The following NDUFS2 variants were observed in gnomAD, a reference collection of about 807,000 sequenced individuals.
NDUFS2 encodes NADH:ubiquinone oxidoreductase core subunit S2, also known as NADH dehydrogenase [ubiquinone] iron-sulfur protein 2, mitochondrial.
Under a neutral mutation model 69.6 loss-of-function variants are expected in NDUFS2, and 38 were observed. The observed-to-expected ratio is 0.55, with a 90% CI of 0.42 to 0.72. The LOEUF (loss-of-function observed/expected upper bound fraction) is 0.72, where lower values mean the gene tolerates loss of function less well. Among genes scored for constraint, NDUFS2 ranks in the 30% least tolerant of loss-of-function variants. The pLI is 0.00. For missense variants in NDUFS2, 468 were observed against 595.0 expected, an observed-to-expected ratio of 0.79 and a Z score of 2.22; for synonymous variants, 194 against 211.2, an observed-to-expected ratio of 0.92 and a Z score of 0.70.
intron 1 of NDUFS2, 89 bp downstream of exon 1, chr1:161,202,569 C>T: frequency 7.6e-7 from 1 of 1,313,442 alleles, no homozygotes; most frequent in Non-Finnish European, 1.1e-6. Context: ...AAATAATAAC[C>T]CAAGCCTGTG....
chr1:161,205,192 CTATT>C (rs1665393937), intron 2 of NDUFS2, among the ~76,000 whole-genome samples: 1 of 152,108 alleles, frequency 6.6e-6, no homozygotes, highest in Non-Finnish European at 1.5e-5. Context: ...AATAAAGTGT[CTATT>C]TATAGCATTA....
chr1:161,207,006 A>T (rs1321105037), intron 3 of NDUFS2, among the ~76,000 whole-genome samples: 1 of 152,228 alleles, frequency 6.6e-6, no homozygotes, highest in Non-Finnish European at 1.5e-5. Context: ...GTTTGTTTTC[A>T]AAACATTCAA....
At chr1:161,211,549 C>T (rs1483293432) in intron 9 of NDUFS2, among the ~76,000 whole-genome samples, 1 of 152,040 alleles carries the variant, frequency 6.6e-6, no homozygotes, top group Non-Finnish European at 1.5e-5. Context: ...ACTTGGGAGG[C>T]TGAGGAAGGA....
At chr1:161,198,146 T>C, upstream of NDUFS2, 2 of 1,613,508 alleles carry the variant, frequency 1.2e-6, no homozygotes, top group Non-Finnish European at 1.7e-6. The surrounding 1 kb of genome is among the most constrained non-coding windows in gnomAD (Gnocchi z 4.7). Context: ...GGGCTGGAGG[T>C]GGAGTTCAGC....
At position 161,212,369 on chromosome 1, in the gene NDUFS2, G is replaced by A; in HGVS notation, c.1005G>A (p.Glu335=). Residue 335 remains glutamate (E), a synonymous_variant, in exon 10 of 14, where the codon GAG becomes GAA. Coordinates refer to ENST00000676972, the MANE Select transcript of NDUFS2 (RefSeq NM_001377299.1). The part of the protein sequence containing the change: ...DCYDRYLCRV[E]EMRQSLRIIA... ...TCTTGAGGTACCTGTGCCGGGTGGA[G>A]GAGATGCGCCAGTCCCTGAGAATTA... The A allele has an allele frequency of 6.2e-7, 1 of 1,613,638 alleles. No individual in the cohort carries two copies. The highest frequency in any genetic ancestry group is 1.1e-5 in the South Asian group (1 of 91,082).
Position 161,213,870 on chromosome 1 carries a change from T to G in NDUFS2, c.1303T>G (p.Leu435Val). 6.2e-7 allele frequency: 1 copy of G among 1,614,200 alleles called. No homozygotes were observed. The highest frequency in any genetic ancestry group is 1.1e-5 in the South Asian group (1 of 91,082). ...GCCATCTCAATCTCCCTAGGCTGGTTTGGACAAGATGTCTAAGGGACACAT... is the reference window on the plus strand; with the variant it reads ...GCCATCTCAATCTCCCTAGGCTGGTGTGGACAAGATGTCTAAGGGACACAT... Reference protein sequence around the residue: ...KAPGFAHLAGLDKMSKGHMLA... With the variant: ...KAPGFAHLAGVDKMSKGHMLA... Residue 435 changes from leucine (L) to valine (V), a missense_variant, in exon 13 of 14, where the codon TTG becomes GTG. Around this residue, in one of 3 missense-constraint regions of NDUFS2, gnomAD observed 72 missense variants for 118.9 expected, o/e 0.61. Coordinates refer to ENST00000676972, the MANE Select transcript of NDUFS2 (RefSeq NM_001377299.1).
In NDUFS2 at chr1:161,214,323, C is replaced by G. The variant is rs969508210; in HGVS notation, c.*130C>G. On this transcript the variant is annotated 3_prime_UTR_variant, in exon 14 of 14. Transcript: ENST00000676972. Reference sequence around the variant, plus strand: ...TGTATGTTCATGTACACTTGGCTGTCAGGCTTTCTGTGCATGTACTAAAAA... The same window carrying G: ...TGTATGTTCATGTACACTTGGCTGTGAGGCTTTCTGTGCATGTACTAAAAA... The G allele has an allele frequency of 2.2e-6, 2 of 919,070 alleles. No individual in the cohort carries two copies. Among genetic ancestry groups the G allele is most frequent in the African/African-American group, 3.3e-5 (2 of 60,318 alleles). The allele number at this position is 919,070 out of a possible 1,614,324, so 56.9% of individuals were successfully genotyped here. A position where few individuals can be genotyped will look rare whatever the true frequency, so the allele number is the denominator to read the frequency against.
chr1:161,211,538 T>A (rs964887893), intron 9 of NDUFS2, among the ~76,000 whole-genome samples: 1 of 152,062 alleles, frequency 6.6e-6, no homozygotes, highest in Non-Finnish European at 1.5e-5. Flanking sequence ...TAAGTCCAGC[T>A]ACTTGGGAGG....
At chr1:161,199,809 C>T (rs1389235444), upstream of NDUFS2, among the ~76,000 whole-genome samples, 2 of 151,770 alleles carry the variant, frequency 1.3e-5, no homozygotes, top group Non-Finnish European at 2.9e-5. Flanking sequence ...TCAGGATCCC[C>T]CTTCCTGAGT....
In NDUFS2 at chr1:161,213,494, G is replaced by A. The variant is rs935169238; in HGVS notation, c.1212+19G>A. On this transcript the variant is annotated intron_variant, in intron 11 of 13. Transcript: ENST00000676972. The stretch of plus-strand genomic sequence containing the variant: ...TCCCAAGGTAAGGAGAGGAGGGGAA[G>A]GAAAAGACCATATGTAGAGTAGGTA... 3.8e-6 allele frequency: 6 copies of A among 1,593,214 alleles called. No individual in the cohort carries two copies. Among genetic ancestry groups the A allele is most frequent in the Non-Finnish European group, 5.2e-6 (6 of 1,162,342 alleles).
intron 5 of NDUFS2, 128 bp from the exon 6 acceptor site, chr1:161,209,729 G>T: frequency 7.8e-7 from 1 of 1,280,632 alleles, no homozygotes; most frequent in South Asian, 1.3e-5. Flanking sequence ...TTTAACTTGG[G>T]TTATATTTGT....
intron 1 of NDUFS2, 73 bp from the exon 2 acceptor site, chr1:161,203,364 T>C (rs1193032674): frequency 7.6e-7 from 1 of 1,321,288 alleles, no homozygotes; most frequent in East Asian, 2.3e-5. Flanking sequence ...TGGGTCCCCT[T>C]GAGAGTGAAT....
At chr1:161,198,445 G>A (rs774071976), upstream of NDUFS2, 26 of 1,582,026 alleles carry the variant, frequency 1.6e-5, no homozygotes, top group Admixed American at 3.1e-4. This position sits in a 1 kb window ranked among gnomAD's most constrained non-coding sequence, Gnocchi z 4.7. Context: ...CTGGAAACAC[G>A]ATCTCCTCCT....
chr1:161,210,082 A>G (rs779811384), intron 6 of NDUFS2, 29 bp from the exon 7 acceptor site: 25 of 1,606,570 alleles, frequency 1.6e-5, no homozygotes, highest in Non-Finnish European at 2.0e-5. Flanking sequence ...GCTATGCCAC[A>G]TTCAGTAGCA....
upstream of NDUFS2, among the ~76,000 whole-genome samples, chr1:161,200,952 C>G (rs1184957835): frequency 6.6e-6 from 1 of 152,210 alleles, no homozygotes; most frequent in Non-Finnish European, 1.5e-5. Flanking sequence ...AGTCCCAGCT[C>G]AAGCTGCCTC....
upstream of NDUFS2, chr1:161,198,857 C>A: frequency 2.1e-6 from 1 of 465,354 alleles, no homozygotes; most frequent in Non-Finnish European, 3.8e-6. This position sits in a 1 kb window ranked among gnomAD's most constrained non-coding sequence, Gnocchi z 4.7. Context: ...CCTCCTGAGC[C>A]CTCCTTTCCT....
At chr1:161,202,272 T>A, upstream of NDUFS2, 4 of 1,051,246 alleles carry the variant, frequency 3.8e-6, no homozygotes, top group Non-Finnish European at 5.7e-6. Flanking sequence ...TAAACGACCC[T>A]GCCAGCTTCC....
chr1:161,210,005 G>A, intron 6 of NDUFS2, 74 bp downstream of exon 6: 1 of 1,600,684 alleles, frequency 6.2e-7, no homozygotes, highest in South Asian at 1.1e-5. Context: ...GGGCAGTGCT[G>A]GATGATGGAA....
intron 12 of NDUFS2, 29 bp from the exon 13 acceptor site, chr1:161,213,835 T>C: frequency 6.2e-7 from 1 of 1,613,592 alleles, no homozygotes; most frequent in Non-Finnish European, 8.5e-7. Context: ...AAGTCTTAAC[T>C]AACATTGTTG....
Sources: allele counts gnomAD v4.1 joint callset (sites outside exome capture counted in the v4.1 genomes callset), GRCh38; gene constraint gnomAD v4.1.1; regional missense constraint gnomAD v4.1.1; non-coding constraint Gnocchi (gnomAD v3.1); transcripts MANE v1.5; gene names NCBI Gene and HGNC (gene_info 2026-07-23, HGNC 2026-07-21).